AKAP13: variants seen among roughly 807,000 people sequenced by gnomAD.
AKAP13 encodes the protein A-kinase anchor protein 13.
Under a neutral mutation model 264.5 loss-of-function variants are expected in AKAP13, and 80 were observed. The ratio of observed to expected loss-of-function variants is 0.30; its 90% confidence interval spans 0.25 to 0.36. The LOEUF (loss-of-function observed/expected upper bound fraction) is 0.36. Among genes scored for constraint, AKAP13 ranks in the 10% least tolerant of loss-of-function variants. The probability of loss-of-function intolerance (pLI) is 1.00; values close to 1 mark genes in which losing one functional copy is unlikely to be tolerated. For missense variants in AKAP13, 3,712 were observed against 3,435.2 expected (o/e 1.08, Z -2.01); for synonymous variants, 1,380 against 1,250.2 (o/e 1.10, Z -2.19).
At chr15:85,532,374 A>G (rs899605734) in intron 3 of AKAP13, among the ~76,000 whole-genome samples, 2 of 152,252 alleles carry the variant, frequency 1.3e-5, no homozygotes, top group Non-Finnish European at 2.9e-5. Context: ...TGCCCGTGGT[A>G]TGGAAATTCA....
intron 19 of AKAP13, among the ~76,000 whole-genome samples, chr15:85,715,154 T>C (rs1309287762): frequency 6.6e-6 from 1 of 152,214 alleles, no homozygotes; most frequent in Non-Finnish European, 1.5e-5. Context: ...TTTCTTTCTT[T>C]TAAGCATGAA....
intron 8 of AKAP13, among the ~76,000 whole-genome samples, chr15:85,630,146 A>T (rs973020871): frequency 7.0e-6 from 1 of 143,416 alleles, no homozygotes; most frequent in African/African-American, 2.6e-5. Context: ...TGACTTCTCT[A>T]TTCTCTGTTT....
chr15:85,581,721 C>G lies in AKAP13; in HGVS notation c.3653C>G (p.Ala1218Gly), dbSNP rs1365821313. 3.1e-6 allele frequency: 5 copies of G among 1,613,998 alleles called. No individual in the cohort carries two copies. Among genetic ancestry groups the G allele is most frequent in the Middle Eastern group, 1.6e-4 (1 of 6,084 alleles). ...APAGVREVMRAPPSGRERSTP... is the reference protein window; with the variant it reads ...APAGVREVMRGPPSGRERSTP... ...GCTGGTGTGAGGGAAGTCATGCGAG[C>G]CCCGCCTTCAGGCAGGGAAAGGAGC... The change falls in exon 7 of 37, where the codon GCC (alanine) becomes GGC (glycine). Residue 1218 changes from alanine (A) to glycine (G), a missense_variant. By Grantham distance (60) the Ala-to-Gly change is moderately conservative (BLOSUM62 0). Transcript: ENST00000394518.
Position 85,724,251 on chromosome 15 carries a change from G to A in AKAP13, c.6745+931G>A, listed in dbSNP as rs2087470190. Among the ~76,000 whole-genome samples the A allele has an allele frequency of 6.6e-6, 1 of 152,220 alleles. No individual in the cohort carries two copies. On this transcript the variant is annotated intron_variant, in intron 26 of 36. Coordinates refer to ENST00000394518, the MANE Select transcript of AKAP13 (RefSeq NM_007200.5). The surrounding 1 kb of genome is among the most constrained non-coding windows in gnomAD (Gnocchi z 4.2). ...ACAAATGGTAAAGAAGTTCCAGGCA[G>A]TCAGCTGGTTTCAACAATGAATAAA... is the stretch of plus-strand genomic sequence containing the variant.
At chr15:85,671,433 CAAAAAAAAAAAAA>C (rs11296113) in intron 14 of AKAP13, among the ~76,000 whole-genome samples, 1 of 70,560 alleles carries the variant, frequency 1.4e-5, no homozygotes, top group Admixed American at 2.1e-4. Flanking sequence ...GACACTGCCT[CAAAAAAAAAAAAA>C]AAAAAAAAAA....
intron 14 of AKAP13, among the ~76,000 whole-genome samples, chr15:85,670,266 C>G (rs1003345793): frequency 6.6e-6 from 1 of 151,978 alleles, no homozygotes; most frequent in Non-Finnish European, 1.5e-5. Flanking sequence ...AAGATTTTTT[C>G]TGAAACACTT....
rs367763225 is a variant in AKAP13, at chr15:85,684,292, TAGCTCACGCCTGTAATCCA to T, written c.5157-445_5157-427del. ...AAAACATTAAAAATGGGCCAGGCGG[TAGCTCACGCCTGTAATCCA>T]AGCACTTTGGGAGGCTGAGGTGGGA... On this transcript the variant is annotated intron_variant, in intron 15 of 36. Transcript: ENST00000394518. The T allele has an allele frequency of 4.1e-3, 631 of 152,434 alleles. 3 individuals carry two copies. The highest frequency in any genetic ancestry group is 7.1e-3 in the Non-Finnish European group (486 of 68,144). 9.4% of individuals were successfully genotyped at this position (152,434 alleles called of 1,614,324 possible). A position where few individuals can be genotyped will look rare whatever the true frequency, so the allele number is the denominator to read the frequency against.
At chr15:85,383,946 A>G (rs2070422216) in intron 1 of AKAP13, among the ~76,000 whole-genome samples, 1 of 152,232 alleles carries the variant, frequency 6.6e-6, no homozygotes, top group South Asian at 2.1e-4. Context: ...CTTCAAGATA[A>G]CACTTTAAAG....
At chr15:85,469,554 G>A (rs1468812281) in intron 1 of AKAP13, among the ~76,000 whole-genome samples, 1 of 152,102 alleles carries the variant, frequency 6.6e-6, no homozygotes, top group African/African-American at 2.4e-5. Flanking sequence ...GCCATTTCTG[G>A]TGGACCCACC....
Position 85,575,263 on chromosome 15 carries a change from C to G in AKAP13, c.795C>G (p.His265Gln). ...LTSESDSHHE[H>Q]PFPGDGCTGP... ...CTGAGTCTGATTCACATCATGAACA[C>G]CCATTTCCTGGAGACGGTTGCACTG... Residue 265 changes from histidine to glutamine, a missense_variant, in exon 6 of 37, where the codon CAC becomes CAG. Physicochemically the swap from His to Gln is conservative, Grantham distance 24. Around this residue, in one of 3 missense-constraint regions of AKAP13, gnomAD observed 2,759 missense variants for 2,411.7 expected, o/e 1.14. Transcript: ENST00000394518. 6.2e-7 allele frequency: 1 copy of G among 1,614,154 alleles called. No individual in the cohort carries two copies. The highest frequency in any genetic ancestry group is 1.3e-5 in the African/African-American group (1 of 75,048).
chr15:85,723,388 T>C (rs2151732090), intron 26 of AKAP13, 68 bp downstream of exon 26: 1 of 1,571,350 alleles, frequency 6.4e-7, no homozygotes, highest in East Asian at 2.3e-5. Context: ...AGTGCTTTTG[T>C]TGGAAATTCA....
At chr15:85,429,906 C>T (rs1030661916) in intron 1 of AKAP13, among the ~76,000 whole-genome samples, 4 of 152,186 alleles carry the variant, frequency 2.6e-5, no homozygotes, top group African/African-American at 9.7e-5. Context: ...TTCCCCTGCA[C>T]TTTACTCTGA....
chr15:85,434,539 C>T (rs2073181054), intron 1 of AKAP13, among the ~76,000 whole-genome samples: 2 of 152,036 alleles, frequency 1.3e-5, no homozygotes, highest in Admixed American at 6.6e-5. Flanking sequence ...AACAAAAAGA[C>T]AGCAGTAACC....
chr15:85,684,921 G>T lies in AKAP13; in HGVS notation c.5289+48G>T, dbSNP rs772927077. 1.9e-6 allele frequency: 3 copies of T among 1,571,186 alleles called. No individual in the cohort carries two copies. The South Asian group carries it at 3.6e-5, about 19-fold the overall frequency. On this transcript the variant is annotated intron_variant, in intron 16 of 36. Transcript: ENST00000394518. Reference sequence around the variant, plus strand: ...CTTGTGATCACCTCAGTAGGATCCTGTCACAGCCTGCATTCACACCAAAAC... The same window carrying T: ...CTTGTGATCACCTCAGTAGGATCCTTTCACAGCCTGCATTCACACCAAAAC...
chr15:85,671,220 A>G (rs535760781), intron 14 of AKAP13, among the ~76,000 whole-genome samples: 1 of 152,070 alleles, frequency 6.6e-6, no homozygotes, highest in Non-Finnish European at 1.5e-5. Flanking sequence ...GTTCCATCTC[A>G]CTTCATGACT....
chr15:85,694,285 G>C (rs1162188536), intron 17 of AKAP13, among the ~76,000 whole-genome samples: 3 of 152,188 alleles, frequency 2.0e-5, no homozygotes, highest in African/African-American at 7.2e-5. Context: ...CATTGTTCCT[G>C]GTTTTGATAA....
At chr15:85,742,982 C>T (rs981445420) in intron 35 of AKAP13, among the ~76,000 whole-genome samples, 2 of 152,174 alleles carry the variant, frequency 1.3e-5, no homozygotes, top group Non-Finnish European at 2.9e-5. Flanking sequence ...GGAGGGTTCC[C>T]AGGCAGCTAA....
intron 9 of AKAP13, 126 bp from the exon 10 acceptor site, chr15:85,645,692 A>G: frequency 1.0e-6 from 1 of 1,001,896 alleles, no homozygotes; most frequent in Non-Finnish European, 1.4e-6. Flanking sequence ...GGAGGGAAGG[A>G]AGAGAAAAGA....
At chr15:85,681,880 T>C (rs1370833043) in intron 14 of AKAP13, among the ~76,000 whole-genome samples, 1 of 152,194 alleles carries the variant, frequency 6.6e-6, no homozygotes, top group Non-Finnish European at 1.5e-5. Flanking sequence ...CATATGTGTT[T>C]AAGCATTAGA....
Sources: allele counts gnomAD v4.1 joint callset (sites outside exome capture counted in the v4.1 genomes callset), GRCh38; gene constraint gnomAD v4.1.1; regional missense constraint gnomAD v4.1.1; non-coding constraint Gnocchi (gnomAD v3.1); transcripts MANE v1.5; gene names NCBI Gene and HGNC (gene_info 2026-07-23, HGNC 2026-07-21).